MTA3: variants seen among roughly 807,000 people sequenced by gnomAD.
MTA3 encodes metastasis-associated protein MTA3.
In MTA3, 34 loss-of-function variants were observed where a neutral mutation model predicts 83.5. The observed-to-expected ratio is 0.41, with a 90% CI of 0.31 to 0.54. MTA3 has a LOEUF of 0.54. Ranked by LOEUF, MTA3 falls within the 20% of genes least tolerant of loss-of-function variation. MTA3 has a pLI of 0.33. For missense variants in MTA3, 761 were observed against 726.4 expected (o/e 1.05, Z -0.55); for synonymous variants, 303 against 252.7 (o/e 1.20, Z -1.89).
intron 2 of MTA3, among the ~76,000 whole-genome samples, chr2:42,549,128 G>C (rs979735359): frequency 1.4e-5 from 2 of 138,068 alleles, no homozygotes; most frequent in South Asian, 4.3e-4. Flanking sequence ...AGCCGAGATC[G>C]TGCCATTGCA....
intron 3 of MTA3, among the ~76,000 whole-genome samples, chr2:42,593,097 G>A (rs180863312): frequency 1.9e-4 from 29 of 151,744 alleles, no homozygotes; most frequent in African/African-American, 6.8e-4. Context: ...TGGTTGCAGT[G>A]AGCCGAGATC....
chr2:42,629,913 G>C (rs1289278861), intron 4 of MTA3, among the ~76,000 whole-genome samples: 1 of 151,928 alleles, frequency 6.6e-6, no homozygotes, highest in Non-Finnish European at 1.5e-5. Context: ...TGAGTAGCTG[G>C]GATTACAGCG....
intron 16 of MTA3, among the ~76,000 whole-genome samples, chr2:42,745,936 C>T (rs1392587308): frequency 6.6e-6 from 1 of 150,614 alleles, no homozygotes; most frequent in Non-Finnish European, 1.5e-5. Context: ...GCCTTAGCTT[C>T]CTGAGTAGCT....
intron 16 of MTA3, among the ~76,000 whole-genome samples, chr2:42,731,741 T>TC (rs1327022472): frequency 2.0e-5 from 3 of 151,950 alleles, no homozygotes; most frequent in Admixed American, 6.6e-5. Context: ...TTCCCAACAG[T>TC]CCCCCAAAGT....
intron 2 of MTA3, among the ~76,000 whole-genome samples, chr2:42,561,703 A>G (rs1677683134): frequency 6.6e-6 from 1 of 151,846 alleles, no homozygotes; most frequent in Admixed American, 6.6e-5. Flanking sequence ...AAACATGTTG[A>G]CTGTTTCAAG....
intron 2 of MTA3, among the ~76,000 whole-genome samples, chr2:42,549,006 T>C (rs1323812472): frequency 7.5e-6 from 1 of 132,882 alleles, no homozygotes; most frequent in Admixed American, 8.9e-5. Context: ...GAAACCCCAT[T>C]TCTACTAAAA....
chr2:42,540,283 C>G (rs756563271), intron 2 of MTA3, among the ~76,000 whole-genome samples: 7 of 150,720 alleles, frequency 4.6e-5, no homozygotes, highest in Non-Finnish European at 8.8e-5. Flanking sequence ...AAGTGACTCT[C>G]CTGCCTTAGC....
chr2:42,710,565 A>G (rs1180037013), intron 14 of MTA3, among the ~76,000 whole-genome samples: 2 of 151,374 alleles, frequency 1.3e-5, no homozygotes, highest in African/African-American at 2.4e-5. Flanking sequence ...AAAAAAAAAA[A>G]AAAAAAAAAG....
chr2:42,714,737 G>A (rs1482781869), intron 14 of MTA3, among the ~76,000 whole-genome samples: 1 of 152,188 alleles, frequency 6.6e-6, no homozygotes, highest in East Asian at 1.9e-4. Context: ...GGGCCGTGAT[G>A]GTTTTGGGAT....
chr2:42,707,660 A>G (rs1471797262), intron 12 of MTA3, among the ~76,000 whole-genome samples: 2 of 152,196 alleles, frequency 1.3e-5, no homozygotes, highest in East Asian at 3.8e-4. Context: ...TGCATAATAC[A>G]GGATGCTTCA....
intron 14 of MTA3, chr2:42,709,542 T>C (rs983002395): frequency 6.3e-6 from 1 of 159,622 alleles, no homozygotes; most frequent in African/African-American, 2.4e-5. Flanking sequence ...CAATTTACAC[T>C]AATTAGAGAC....
intron 2 of MTA3, among the ~76,000 whole-genome samples, chr2:42,503,353 G>C (rs2103648107): frequency 6.6e-6 from 1 of 152,202 alleles, no homozygotes; most frequent in South Asian, 2.1e-4. Flanking sequence ...AGTTTTGGTG[G>C]GATTTGGCCA....
intron 2 of MTA3, among the ~76,000 whole-genome samples, chr2:42,518,489 G>A (rs1675258953): frequency 6.6e-6 from 1 of 152,160 alleles, no homozygotes; most frequent in Admixed American, 6.5e-5. Flanking sequence ...GTATTGCGTT[G>A]TAAGCCAAAG....
At chr2:42,611,248 G>C (rs1021630635) in intron 4 of MTA3, among the ~76,000 whole-genome samples, 3 of 151,848 alleles carry the variant, frequency 2.0e-5, no homozygotes, top group African/African-American at 7.3e-5. Context: ...CTTCCAAAGT[G>C]CTGGGATTAT....
chr2:42,657,376 T>A (rs1201848340), intron 7 of MTA3, among the ~76,000 whole-genome samples: 1 of 152,188 alleles, frequency 6.6e-6, no homozygotes, highest in Non-Finnish European at 1.5e-5. Flanking sequence ...AGTGACTGGA[T>A]GGAGACACTT....
chr2:42,610,232 T>A (rs1684025408), intron 4 of MTA3, among the ~76,000 whole-genome samples: 1 of 152,256 alleles, frequency 6.6e-6, no homozygotes. Context: ...TTCCAGGTTC[T>A]AAGAAAATTA....
At chr2:42,725,628 C>T (rs943829872) in intron 16 of MTA3, among the ~76,000 whole-genome samples, 1 of 152,202 alleles carries the variant, frequency 6.6e-6, no homozygotes, top group African/African-American at 2.4e-5. Context: ...GGCCTCAGAG[C>T]CAGAACGCAA....
intron 16 of MTA3, among the ~76,000 whole-genome samples, chr2:42,723,564 A>G (rs1177598548): frequency 6.6e-6 from 1 of 152,198 alleles, no homozygotes; most frequent in African/African-American, 2.4e-5. Flanking sequence ...GAAATGGAAA[A>G]ATAGAAATAT....
intron 4 of MTA3, among the ~76,000 whole-genome samples, chr2:42,638,605 G>C (rs1171963744): frequency 1.3e-5 from 2 of 151,948 alleles, no homozygotes; most frequent in Admixed American, 1.3e-4. Context: ...GGGCTCAAGC[G>C]ATTCTTCTAC....
Sources: gnomAD v4.1 joint callset for allele counts (sites outside exome capture counted in the v4.1 genomes callset) on GRCh38, gnomAD v4.1.1 for gene constraint, MANE v1.5 for transcripts, NCBI Gene and HGNC (gene_info 2026-07-23, HGNC 2026-07-21) for gene names.